DLGAP4: variants seen among roughly 807,000 people sequenced by gnomAD.
The protein encoded by DLGAP4 is disks large-associated protein 4.
A neutral mutation model predicts 86.9 loss-of-function variants in DLGAP4; 18 were observed. The observed-to-expected ratio is 0.21, with a 90% CI of 0.14 to 0.31. DLGAP4 has a LOEUF of 0.31. Ranked by LOEUF, DLGAP4 falls within the 10% of genes least tolerant of loss-of-function variation. DLGAP4 has a pLI of 1.00. For synonymous variants in DLGAP4, 548 were observed against 574.3 expected (o/e 0.95, Z 0.65); for missense variants, 1,085 against 1,362.6 (o/e 0.80, Z 3.21).
At chr20:36,518,048 C>T (rs2147843147) in intron 10 of DLGAP4, among the ~76,000 whole-genome samples, 1 of 152,200 alleles carries the variant, frequency 6.6e-6, no homozygotes, top group East Asian at 1.9e-4. Context: ...TGGTGAAACC[C>T]CATTTCTACA....
At position 36,442,901 on chromosome 20, in the gene DLGAP4, G is replaced by A; in HGVS notation, c.1407+124G>A. The A allele has an allele frequency of 4.7e-6, 6 of 1,272,172 alleles. No homozygotes were observed. The South Asian group carries it at 7.3e-5, about 16-fold the overall frequency. 78.8% of individuals were successfully genotyped at this position (1,272,172 alleles called of 1,614,324 possible). On this transcript the variant is annotated intron_variant, in intron 6 of 12. Transcript: ENST00000339266. ...TACAAGCAGAGCCATCACCAGGAAA[G>A]CCACTTCCAGTGGATGGAGTTGAGG...
At position 36,313,513 on chromosome 20, in the gene DLGAP4, G is replaced by A. The variant is rs911517623; in HGVS notation, c.-304+7001G>A. ...GAGGGCTGGGCTGTGAGATTCTGGG[G>A]CTGACCAGGCAGCTTTGCAGTGACA... On this transcript the variant is annotated intron_variant, in intron 1 of 12. Coordinates refer to ENST00000339266, the MANE Select transcript of DLGAP4 (RefSeq NM_001365621.2). 3.3e-5 allele frequency among the ~76,000 whole-genome samples: 5 copies of A among 151,350 alleles called. No individual in the cohort carries two copies. The East Asian group carries it at 9.7e-4, about 29-fold the overall frequency.
intron 7 of DLGAP4, among the ~76,000 whole-genome samples, chr20:36,487,822 C>G (rs1042634331): frequency 1.3e-5 from 2 of 152,162 alleles, no homozygotes; most frequent in African/African-American, 4.8e-5. Context: ...CAAAAAATAC[C>G]TCATGCCTGT....
In DLGAP4 at chr20:36,446,955, G is replaced by C. The variant is rs756359516; in HGVS notation, c.1648+18G>C. 6.3e-7 allele frequency: 1 copy of C among 1,585,520 alleles called. No individual in the cohort carries two copies. The highest frequency in any genetic ancestry group is 8.6e-7 in the Non-Finnish European group (1 of 1,160,394). ...GCTTCCGAGTGAGTACTGTGATGAG[G>C]GAAGGGGTTTTTTTTCTTTTCAAGG... On this transcript the variant is annotated intron_variant, in intron 7 of 12. Coordinates refer to ENST00000339266, the MANE Select transcript of DLGAP4 (RefSeq NM_001365621.2).
At chr20:36,524,390 G>C (rs767230042) in intron 11 of DLGAP4, 49 bp downstream of exon 11, 1 of 1,526,964 alleles carries the variant, frequency 6.5e-7, no homozygotes, top group Non-Finnish European at 9.0e-7. Flanking sequence ...GCCTTTGGCT[G>C]CCCACTATAC....
intron 1 of DLGAP4, among the ~76,000 whole-genome samples, chr20:36,309,790 C>A (rs1393357210): frequency 2.0e-5 from 3 of 152,228 alleles, no homozygotes; most frequent in African/African-American, 7.2e-5. Flanking sequence ...TCTGTCCGTT[C>A]TTTGGGCTAC....
intron 7 of DLGAP4, among the ~76,000 whole-genome samples, chr20:36,489,849 A>C (rs2035581368): frequency 6.9e-6 from 1 of 144,998 alleles, no homozygotes; most frequent in Non-Finnish European, 1.5e-5. Context: ...GATGTTGCTA[A>C]TTCTTCTTTT....
rs117191084 is a variant in DLGAP4 at position 36,384,677 on chromosome 20, C to T, written c.-73+17402C>T. 9.7e-4 allele frequency among the ~76,000 whole-genome samples: 148 copies of T among 152,220 alleles called. 3 individuals are homozygous for T. The East Asian group carries it at 0.026, about 27-fold the overall frequency. ...GATGTGGTGGCATTAGTCTTACACA[C>T]GGAGGAAAGCAGGAGTGAATTGTCA... On this transcript the variant is annotated intron_variant, in intron 2 of 12. Transcript: ENST00000339266.
In DLGAP4 at chr20:36,497,027, G is replaced by A. The variant is rs754707766; in HGVS notation, c.1971G>A (p.Glu657=). The change falls in exon 8 of 13, where the codon GAG becomes GAA. Residue 657 remains glutamate, a synonymous_variant. Transcript: ENST00000339266. The stretch of plus-strand genomic sequence containing the variant: ...TGACCAGCTCTGAGTCCCACCCCGA[G>A]GCCGCCCCCAAAAGGAAACTGTCAT... The part of the protein sequence containing the change: ...GTLTSSESHP[E]AAPKRKLSSI... 1 of 1,610,308 alleles carries A rather than the reference G, an allele frequency of 6.2e-7. No homozygotes were observed. The highest frequency in any genetic ancestry group is 8.5e-7 in the Non-Finnish European group (1 of 1,177,356).
In DLGAP4 at chr20:36,351,039, G is replaced by A. The variant is rs192766202; in HGVS notation, c.-303-16006G>A. Among the ~76,000 whole-genome samples the A allele has an allele frequency of 2.3e-3, 350 of 152,380 alleles. 1 individual carries two copies. Among genetic ancestry groups the A allele is most frequent in the South Asian group, 2.3e-3 (11 of 4,830 alleles). On this transcript the variant is annotated intron_variant, in intron 1 of 12. Coordinates refer to ENST00000339266, the MANE Select transcript of DLGAP4 (RefSeq NM_001365621.2). ...CAGCGTGTGCCGCCTGCCCTCCGGC[G>A]AGTGACTTCACCTCTCACAACTTCC...
intron 7 of DLGAP4, among the ~76,000 whole-genome samples, chr20:36,453,112 C>A (rs1157561370): frequency 2.0e-5 from 3 of 152,154 alleles, no homozygotes; most frequent in Non-Finnish European, 4.4e-5. Flanking sequence ...GGATTACAGG[C>A]GTGAGTCACC....
At chr20:36,454,887 A>G (rs2033840022) in intron 7 of DLGAP4, among the ~76,000 whole-genome samples, 1 of 152,206 alleles carries the variant, frequency 6.6e-6, no homozygotes. Flanking sequence ...CAGTGCCACT[A>G]CTGCTGTCCC....
chr20:36,436,434 C>T (rs550290218), intron 4 of DLGAP4, 84 bp downstream of exon 4: 612 of 1,447,780 alleles, frequency 4.2e-4, no homozygotes, highest in African/African-American at 1.2e-3. Flanking sequence ...AGGAGCCCTG[C>T]ATTAAAATAA....
intron 1 of DLGAP4, among the ~76,000 whole-genome samples, chr20:36,330,493 A>G (rs1185226381): frequency 3.3e-5 from 5 of 151,686 alleles, no homozygotes; most frequent in Middle Eastern, 7.0e-3. Context: ...TAGTTTCCTC[A>G]TCTGTAAAAT....
At chr20:36,395,121 AG>A (rs1252557897) in intron 2 of DLGAP4, among the ~76,000 whole-genome samples, 3 of 152,118 alleles carry the variant, frequency 2.0e-5, no homozygotes, top group Non-Finnish European at 2.9e-5. Flanking sequence ...TTCCTCTACC[AG>A]GAATGCCCTT....
intron 8 of DLGAP4, chr20:36,498,974 A>G: frequency 2.2e-6 from 1 of 451,266 alleles, no homozygotes; most frequent in Non-Finnish European, 4.0e-6. Flanking sequence ...AGGTAACCTC[A>G]GCCAAGTGTG....
chr20:36,525,798 A>G, intron 11 of DLGAP4, 53 bp from the exon 12 acceptor site: 1 of 1,598,684 alleles, frequency 6.3e-7, no homozygotes, highest in Non-Finnish European at 8.5e-7. Flanking sequence ...GGTTGGGGGG[A>G]GCAGGACAAG....
At chr20:36,335,271 A>C (rs1487874431) in intron 1 of DLGAP4, among the ~76,000 whole-genome samples, 1 of 152,122 alleles carries the variant, frequency 6.6e-6, no homozygotes, top group African/African-American at 2.4e-5. Flanking sequence ...CCCAGCACAG[A>C]TGGCATGACA....
At chr20:36,469,271 A>G (rs1470882781) in intron 7 of DLGAP4, among the ~76,000 whole-genome samples, 2 of 151,752 alleles carry the variant, frequency 1.3e-5, no homozygotes, top group African/African-American at 4.8e-5. Context: ...CTGCAGCAGC[A>G]GCACACCGAG....
Sources: allele counts gnomAD v4.1 joint callset (sites outside exome capture counted in the v4.1 genomes callset), GRCh38; gene constraint gnomAD v4.1.1; transcripts MANE v1.5; gene names NCBI Gene and HGNC (gene_info 2026-07-23, HGNC 2026-07-21).